The following STEEP1 variants were observed in gnomAD, a reference collection of about 807,000 sequenced individuals.
The protein encoded by STEEP1 is STING1 ER exit protein 1, also known as STING ER exit protein.
Under a neutral mutation model 19.2 loss-of-function variants are expected in STEEP1, and 3 were observed. The observed-to-expected ratio is 0.16, with a 90% confidence interval of 0.07 to 0.40. The LOEUF is 0.40. Ranked by LOEUF, STEEP1 falls within the 10% of genes least tolerant of loss-of-function variation. The pLI is 0.99. For synonymous variants in STEEP1, 46 were observed against 63.7 expected, an observed-to-expected ratio of 0.72 and a Z score of 1.32; for missense variants, 54 against 177.1, an observed-to-expected ratio of 0.30 and a Z score of 3.94.
chrX:119,558,174 G>T (rs1048597553), intron 2 of STEEP1, among the ~76,000 whole-genome samples: 8 of 111,448 alleles, frequency 7.2e-5, no homozygotes, highest in Non-Finnish European at 1.5e-4. Context: ...CTCTCAAAGT[G>T]TTGGGATTAC....
intron 4 of STEEP1, 103 bp downstream of exon 4, chrX:119,544,250 G>A (rs2053185234): frequency 5.2e-6 from 3 of 581,050 alleles, no homozygotes; most frequent in East Asian, 3.6e-5. Context: ...GAAATAAAAA[G>A]AATACATCCA....
chrX:119,548,191 CA>C (rs1050339070), intron 2 of STEEP1, among the ~76,000 whole-genome samples: 1 of 107,825 alleles, frequency 9.3e-6, no homozygotes, highest in African/African-American at 3.4e-5. Context: ...AACAAACAAA[CA>C]AAAAAACCAT....
In STEEP1 at chrX:119,544,389, C is replaced by T. The variant is rs1034875895; in HGVS notation, c.387G>A (p.Thr129=). The part of the protein sequence containing the change: ...VVKFGQGFGK[T]NIYTQKQEPP... ...GCTCTTGTTTCTGAGTATATATGTTCGTTTTCCCAAAGCCCTGGCCAAACT... is the reference window on the plus strand; with the variant it reads ...GCTCTTGTTTCTGAGTATATATGTTTGTTTTCCCAAAGCCCTGGCCAAACT... The change falls in exon 4 of 7, where the codon ACG becomes ACA. Residue 129 remains threonine (T), a synonymous_variant. Transcript: ENST00000644802. 2 of 1,204,759 alleles carry T rather than the reference C, an allele frequency of 1.7e-6. No individual in the cohort carries two copies. Among genetic ancestry groups the T allele is most frequent in the Admixed American group, 2.2e-5 (1 of 45,512 alleles).
intron 6 of STEEP1, among the ~76,000 whole-genome samples, chrX:119,540,803 T>C (rs1438466819): frequency 1.8e-5 from 2 of 112,091 alleles, no homozygotes; most frequent in African/African-American, 3.2e-5. Context: ...CCCAGTACTT[T>C]GGGAGCCCGA....
In STEEP1 at chrX:119,564,373, G is replaced by A. The variant is rs770045454; in HGVS notation, c.124+859C>T. On this transcript the variant is annotated intron_variant, in intron 1 of 6. Transcript: ENST00000644802. Reference sequence around the variant, plus strand: ...TAGCCGGGCATGGTGGCGGGCGCCTGTAATCCCAGCTACTCGGGAGGCTGA... The same window carrying A: ...TAGCCGGGCATGGTGGCGGGCGCCTATAATCCCAGCTACTCGGGAGGCTGA... Among the ~76,000 whole-genome samples, 7 of 109,444 alleles carry A rather than the reference G, an allele frequency of 6.4e-5. No homozygotes were observed. The South Asian group carries it at 2.0e-3, about 31-fold the overall frequency.
chrX:119,558,580 TAGGATAGTA>T (rs2053298919), intron 2 of STEEP1, among the ~76,000 whole-genome samples: 1 of 111,797 alleles, frequency 8.9e-6, no homozygotes. Context: ...TCCAGACTTC[TAGGATAGTA>T]CCTGGAACAT....
chrX:119,539,543 A>AG lies in STEEP1; in HGVS notation c.*183_*184insC, dbSNP rs2053148513. 5.6e-6 allele frequency: 2 copies of AG among 358,903 alleles called. No homozygotes were observed. The highest frequency in any genetic ancestry group is 6.0e-5 in the South Asian group (1 of 16,789). The allele number at this position is 358,903 out of a possible 1,213,427, so 29.6% of individuals were successfully genotyped here. A position where few individuals can be genotyped will look rare whatever the true frequency, so the allele number is the denominator to read the frequency against. On this transcript the variant is annotated 3_prime_UTR_variant, in exon 7 of 7. Coordinates refer to ENST00000644802, the MANE Select transcript of STEEP1 (RefSeq NM_022101.4). ...AAGACTTTATCTCAAAAAAAAAAAA[A>AG]AAAAAAAGAAAGCAAGTTAAATGGA...
Position 119,559,361 on chromosome X carries a change from C to T in STEEP1, c.242+907G>A, listed in dbSNP as rs138145804. ...TGTGCTCCAGTCACAAACGACAATT[C>T]AGGTTTCTAAAGCACACCATGTTTG... On this transcript the variant is annotated intron_variant, in intron 2 of 6. Coordinates refer to ENST00000644802, the MANE Select transcript of STEEP1 (RefSeq NM_022101.4). 3.7e-3 allele frequency among the ~76,000 whole-genome samples: 418 copies of T among 111,546 alleles called. 6 individuals are homozygous for T. The highest frequency in any genetic ancestry group is 0.03 in the East Asian group (105 of 3,533).
At chrX:119,542,369 A>G in intron 5 of STEEP1, 136 bp downstream of exon 5, 2 of 450,380 alleles carry the variant, frequency 4.4e-6, no homozygotes, top group East Asian at 7.6e-5. Context: ...CCCAGCCCAT[A>G]GTTTCTTATC....
At chrX:119,546,902 T>G (rs932915139) in intron 2 of STEEP1, among the ~76,000 whole-genome samples, 10 of 111,517 alleles carry the variant, frequency 9.0e-5, no homozygotes, top group Non-Finnish European at 7.5e-5. Flanking sequence ...ACTGGTCTCT[T>G]CACTTCCCCT....
intron 2 of STEEP1, among the ~76,000 whole-genome samples, chrX:119,555,870 A>G (rs1033897460): frequency 7.2e-5 from 8 of 111,794 alleles, no homozygotes; most frequent in African/African-American, 2.0e-4. Flanking sequence ...GGCTGGGGCC[A>G]CTGCATGAAT....
chrX:119,545,649 C>A lies in STEEP1; in HGVS notation c.243-145G>T, dbSNP rs777059346. The A allele has an allele frequency of 2.2e-5, 9 of 403,026 alleles. 1 individual carries two copies. The highest frequency in any genetic ancestry group is 6.1e-5 in the South Asian group (2 of 33,056). The allele number at this position is 403,026 out of a possible 1,213,427, so 33.2% of individuals were successfully genotyped here. A position where few individuals can be genotyped will look rare whatever the true frequency, so the allele number is the denominator to read the frequency against. ...CGGTGGCTCACGCCTGTAATCCCAG[C>A]ACTCTGGGAGGCTGAGGCGGGCGGA... On this transcript the variant is annotated intron_variant, in intron 2 of 6. Transcript: ENST00000644802.
At chrX:119,548,352 G>A (rs1235077046) in intron 2 of STEEP1, among the ~76,000 whole-genome samples, 3 of 109,967 alleles carry the variant, frequency 2.7e-5, no homozygotes, top group Admixed American at 9.8e-5. Context: ...TGGCCAACAT[G>A]GTGAAACCCC....
intron 5 of STEEP1, among the ~76,000 whole-genome samples, chrX:119,542,257 G>A (rs62601738): frequency 0.039 from 4,185 of 107,821 alleles, 87 homozygotes; most frequent in South Asian, 0.076. Flanking sequence ...TAGTAGAAAC[G>A]GGGTTTCACC....
intron 2 of STEEP1, among the ~76,000 whole-genome samples, chrX:119,545,923 T>C (rs1478861683): frequency 1.9e-5 from 2 of 107,591 alleles, no homozygotes; most frequent in African/African-American, 6.8e-5. Flanking sequence ...AGTTTTCATT[T>C]CATAGGTCAA....
Position 119,539,571 on chromosome X carries a change from CAGTT to C in STEEP1, c.*152_*155del. ...AAAAAGAAAGCAAGTTAAATGGACT[CAGTT>C]AAAGACCTCACTGAATGTAGGAGAA... On this transcript the variant is annotated 3_prime_UTR_variant, in exon 7 of 7. Transcript: ENST00000644802. The C allele has an allele frequency of 5.1e-6, 2 of 389,956 alleles. No homozygotes were observed. Among genetic ancestry groups the C allele is most frequent in the Non-Finnish European group, 9.0e-6 (2 of 222,993 alleles). 32.1% of individuals were successfully genotyped at this position (389,956 alleles called of 1,213,427 possible).
At chrX:119,559,666 A>C in intron 2 of STEEP1, among the ~76,000 whole-genome samples, 1 of 111,939 alleles carries the variant, frequency 8.9e-6, no homozygotes, top group Non-Finnish European at 1.9e-5. Flanking sequence ...TACCTAGCTC[A>C]GTGCCTGGCA....
Position 119,560,866 on chromosome X carries a change from C to T in STEEP1, c.125-481G>A, listed in dbSNP as rs1220621840. Among the ~76,000 whole-genome samples the T allele has an allele frequency of 2.7e-5, 3 of 110,865 alleles. No homozygotes were observed. In the East Asian group the frequency reaches 8.5e-4, roughly 31 times the overall value. On this transcript the variant is annotated intron_variant, in intron 1 of 6. Transcript: ENST00000644802. ...AGAGGCTGGGCGTGGTGGCATGCAC[C>T]TATAGTCCCAGCTACTCAGAAGAAT... is the stretch of plus-strand genomic sequence containing the variant.
chrX:119,544,269 A>C, intron 4 of STEEP1, 84 bp downstream of exon 4: 1 of 730,882 alleles, frequency 1.4e-6, no homozygotes, highest in East Asian at 3.3e-5. Flanking sequence ...CATAAAGAGC[A>C]GTTTCTCATC....
Sources: allele counts gnomAD v4.1 joint callset (sites outside exome capture counted in the v4.1 genomes callset), GRCh38; gene constraint gnomAD v4.1.1; transcripts MANE v1.5; gene names NCBI Gene and HGNC (gene_info 2026-07-23, HGNC 2026-07-21).